CECR2: variants seen among roughly 807,000 people sequenced by gnomAD.
The protein encoded by CECR2 is chromatin remodeling regulator CECR2.
CECR2 carries 30 observed loss-of-function variants against 154.5 expected under a neutral mutation model. The ratio of observed to expected loss-of-function variants is 0.19; its 90% CI spans 0.15 to 0.26. CECR2 has a LOEUF of 0.26. Among genes scored for constraint, CECR2 ranks in the 10% least tolerant of loss-of-function variants. CECR2 has a pLI of 1.00. For synonymous variants in CECR2, 725 were observed against 683.7 expected (o/e 1.06, Z -0.94); for missense variants, 1,743 against 1,829.3 (o/e 0.95, Z 0.86).
At chr22:17,384,980 C>G (rs887404568) in intron 1 of CECR2, among the ~76,000 whole-genome samples, 2 of 152,180 alleles carry the variant, frequency 1.3e-5, no homozygotes, top group South Asian at 4.1e-4. Flanking sequence ...TGCATGTTTA[C>G]GTTACATTTC....
intron 2 of CECR2, among the ~76,000 whole-genome samples, chr22:17,478,707 G>A (rs1028138057): frequency 4.6e-5 from 7 of 152,266 alleles, no homozygotes; most frequent in African/African-American, 1.7e-4. Context: ...GCTGGGAAAC[G>A]ATGCTTGTTG....
At chr22:17,551,919 G>A (rs1038336321) in intron 17 of CECR2, 112 bp from the exon 18 acceptor site, 53 of 990,542 alleles carry the variant, frequency 5.4e-5, no homozygotes, top group Non-Finnish European at 6.6e-5. Context: ...GATGATTCCA[G>A]GCCTGATCAC....
intron 1 of CECR2, among the ~76,000 whole-genome samples, chr22:17,428,826 G>GTGTGTGTA (rs369291932): frequency 3.6e-4 from 54 of 150,710 alleles, no homozygotes; most frequent in South Asian, 6.3e-4. Context: ...GTGTGTGTGT[G>GTGTGTGTA]TATATAAAGG....
At chr22:17,487,387 C>T (rs1433067442) in intron 2 of CECR2, among the ~76,000 whole-genome samples, 3 of 152,148 alleles carry the variant, frequency 2.0e-5, no homozygotes, top group Admixed American at 6.5e-5. Context: ...TTTTGAGCTA[C>T]GGTTTAAGCA....
chr22:17,543,186 G>A (rs1470153783), intron 16 of CECR2, among the ~76,000 whole-genome samples, 183 bp downstream of exon 16: 2 of 152,108 alleles, frequency 1.3e-5, no homozygotes, highest in African/African-American at 4.8e-5. Context: ...AGGCTGGAGT[G>A]CAGTGGTGTG....
Position 17,549,401 on chromosome 22 carries a change from C to T in CECR2, c.4114C>T (p.Pro1372Ser), listed in dbSNP as rs1569159713. The T allele has an allele frequency of 6.2e-7, 1 of 1,613,742 alleles. No individual in the cohort carries two copies. The highest frequency in any genetic ancestry group is 8.5e-7 in the Non-Finnish European group (1 of 1,179,860). Residue 1372 changes from proline to serine, a missense_variant, in exon 17 of 19, where the codon CCT (proline) becomes TCT (serine). This residue lies in a region of CECR2 where 1,250 missense variants were observed against 1,192.1 expected (regional missense o/e 1.05). Transcript: ENST00000262608. The part of the protein sequence containing the change: ...AYSSPVAALP[P>S]HHPGATQPNG... Reference sequence around the variant, plus strand: ...CTCTTCCCCTGTGGCTGCCCTCCCACCTCACCACCCAGGGGCCACCCAGCC... The same window carrying T: ...CTCTTCCCCTGTGGCTGCCCTCCCATCTCACCACCCAGGGGCCACCCAGCC...
intron 1 of CECR2, among the ~76,000 whole-genome samples, chr22:17,370,519 T>G (rs1421162736): frequency 1.3e-5 from 2 of 151,800 alleles, no homozygotes; most frequent in Non-Finnish European, 2.9e-5. Context: ...GGAAGGAAAG[T>G]TTGGGACTCC....
intron 7 of CECR2, among the ~76,000 whole-genome samples, chr22:17,505,859 T>A (rs1197703460): frequency 2.8e-5 from 4 of 143,868 alleles, no homozygotes; most frequent in East Asian, 2.0e-4. Flanking sequence ...TTTTTTTTTT[T>A]AAGGACAAGC....
chr22:17,382,136 C>T (rs571686722), intron 1 of CECR2, among the ~76,000 whole-genome samples: 15 of 151,956 alleles, frequency 9.9e-5, no homozygotes, highest in Admixed American at 3.3e-4. Context: ...GTGATCCGCC[C>T]GCCTTGGCCT....
At chr22:17,399,644 A>G (rs1017487899) in intron 1 of CECR2, among the ~76,000 whole-genome samples, 2 of 151,934 alleles carry the variant, frequency 1.3e-5, no homozygotes, top group Admixed American at 6.6e-5. Context: ...TCTTGATCTC[A>G]TGATCTGCCT....
intron 7 of CECR2, among the ~76,000 whole-genome samples, chr22:17,509,972 C>G (rs1363597930): frequency 1.3e-5 from 2 of 152,116 alleles, no homozygotes; most frequent in African/African-American, 4.8e-5. Context: ...TAAAAGTTTA[C>G]TTAAACCTTT....
At position 17,548,133 on chromosome 22, in the gene CECR2, T is replaced by C. The variant is rs1418499625; in HGVS notation, c.2861-15T>C. ...ACTGAGTTATTTTTTCTCCTCTTTTTTTTTTTTTTTGCAGCAGAGCCGTTG... is the reference window on the plus strand; with the variant it reads ...ACTGAGTTATTTTTTCTCCTCTTTTCTTTTTTTTTTGCAGCAGAGCCGTTG... On this transcript the variant is annotated splice_polypyrimidine_tract_variant and intron_variant, in intron 16 of 18. Coordinates refer to ENST00000262608, the MANE Select transcript of CECR2 (RefSeq NM_001290047.2). 6.8e-7 allele frequency: 1 copy of C among 1,472,070 alleles called. No individual in the cohort carries two copies. 91.2% of individuals were successfully genotyped at this position (1,472,070 alleles called of 1,614,324 possible). A position where few individuals can be genotyped will look rare whatever the true frequency, so the allele number is the denominator to read the frequency against.
At chr22:17,433,590 TG>T (rs1252313807) in intron 1 of CECR2, among the ~76,000 whole-genome samples, 1 of 152,112 alleles carries the variant, frequency 6.6e-6, no homozygotes, top group Non-Finnish European at 1.5e-5. Context: ...GGACTACAGG[TG>T]CGCACTGCCA....
rs371894172 is a variant in CECR2, at chr22:17,542,778, A to G, written c.2635A>G (p.Met879Val). ...ALRGVQGGDS[M>V]MDSPEMIAMQ... Reference sequence around the variant, plus strand: ...TCGGGGGGTGCAGGGAGGGGACTCCATGATGGACAGCCCAGAGATGATTGC... The same window carrying G: ...TCGGGGGGTGCAGGGAGGGGACTCCGTGATGGACAGCCCAGAGATGATTGC... The change falls in exon 16 of 19, where the codon ATG becomes GTG. Residue 879 changes from methionine (M) to valine (V), a missense_variant. Met to Val is a conservative substitution (Grantham distance 21). Around this residue, in one of 4 missense-constraint regions of CECR2, gnomAD observed 1,250 missense variants for 1,192.1 expected, o/e 1.05. Coordinates refer to ENST00000262608, the MANE Select transcript of CECR2 (RefSeq NM_001290047.2). 1 of 1,613,884 alleles carries G rather than the reference A, an allele frequency of 6.2e-7. No homozygotes were observed. Among genetic ancestry groups the G allele is most frequent in the African/African-American group, 1.3e-5 (1 of 74,930 alleles).
At chr22:17,468,736 T>G (rs1041608129) in intron 1 of CECR2, among the ~76,000 whole-genome samples, 6 of 152,156 alleles carry the variant, frequency 3.9e-5, no homozygotes, top group African/African-American at 1.4e-4. Flanking sequence ...AGAATTATAT[T>G]TCATGTATTT....
chr22:17,419,547 GAGGAGGAGGAGGAGGAGGAAGAA>G (rs1418664492), intron 1 of CECR2: 256 of 181,238 alleles, frequency 1.4e-3, no homozygotes, highest in African/African-American at 0.014. Context: ...GGAAGAGGAA[GAGGAGGAGGAGGAGGAGGAAGAA>G]AAGAAGAAGA....
intron 1 of CECR2, among the ~76,000 whole-genome samples, chr22:17,396,058 A>T (rs1226674463): frequency 6.8e-6 from 1 of 146,554 alleles, no homozygotes; most frequent in Admixed American, 6.9e-5. Flanking sequence ...GGGGCAATAT[A>T]TCGAGACCTC....
chr22:17,476,408 C>T (rs1245903677), intron 1 of CECR2, among the ~76,000 whole-genome samples: 2 of 151,850 alleles, frequency 1.3e-5, no homozygotes, highest in Admixed American at 6.6e-5. Context: ...ATCACAGGTG[C>T]GTGCCACCAT....
intron 1 of CECR2, among the ~76,000 whole-genome samples, chr22:17,361,759 A>G (rs1348932285): frequency 3.9e-5 from 6 of 151,960 alleles, no homozygotes; most frequent in Non-Finnish European, 8.8e-5. Flanking sequence ...AAAAAAAAAA[A>G]AAGAGAGAGA....
Sources: allele counts gnomAD v4.1 joint callset (sites outside exome capture counted in the v4.1 genomes callset), GRCh38; gene constraint gnomAD v4.1.1; regional missense constraint gnomAD v4.1.1; transcripts MANE v1.5; gene names NCBI Gene and HGNC (gene_info 2026-07-23, HGNC 2026-07-21).